MAGI1: variants seen among roughly 807,000 people sequenced by gnomAD.
MAGI1 encodes membrane-associated guanylate kinase, WW and PDZ domain-containing protein 1.
Under a neutral mutation model 139.9 loss-of-function variants are expected in MAGI1, and 58 were observed. That is an observed-to-expected ratio of 0.41 (90% CI 0.34 to 0.52). The LOEUF is 0.52. Ranked by LOEUF, MAGI1 falls within the 20% of genes least tolerant of loss-of-function variation. The probability of loss-of-function intolerance (pLI) is 0.12; values close to 1 mark genes in which losing one functional copy is unlikely to be tolerated. For missense variants in MAGI1, 1,874 were observed against 1,901.6 expected (o/e 0.99, Z 0.27); for synonymous variants, 812 against 737.9 (o/e 1.10, Z -1.63).
Position 65,882,338 on chromosome 3 carries a change from T to C in MAGI1, c.313+155658A>G, listed in dbSNP as rs57141441. Among the ~76,000 whole-genome samples the C allele has an allele frequency of 7.9e-3, 1,199 of 152,296 alleles. 14 individuals are homozygous for C. The highest frequency in any genetic ancestry group is 0.027 in the African/African-American group (1,107 of 41,564). On this transcript the variant is annotated intron_variant, in intron 1 of 22. Coordinates refer to ENST00000402939, the MANE Select transcript of MAGI1 (RefSeq NM_001033057.2). ...AGCTGAAGAAATCGCCTTAGGAAGG[T>C]AGGAAATCAAAATAACTCTAAAGAC...
At chr3:65,508,676 A>T (rs1042785657) in intron 2 of MAGI1, among the ~76,000 whole-genome samples, 1 of 152,232 alleles carries the variant, frequency 6.6e-6, no homozygotes, top group African/African-American at 2.4e-5. Flanking sequence ...ATGTGAGTCC[A>T]GATACAATCC....
At chr3:65,822,451 C>A (rs1251560245) in intron 1 of MAGI1, among the ~76,000 whole-genome samples, 4 of 152,080 alleles carry the variant, frequency 2.6e-5, no homozygotes, top group Non-Finnish European at 5.9e-5. Flanking sequence ...TCACTTGAAC[C>A]CAGGAGGCGG....
intron 2 of MAGI1, among the ~76,000 whole-genome samples, chr3:65,574,327 G>C (rs894453656): frequency 6.7e-6 from 1 of 149,848 alleles, no homozygotes; most frequent in African/African-American, 2.5e-5. Context: ...AATAAGTACA[G>C]TACCCAATAG....
At chr3:65,685,959 C>T (rs1018274436) in intron 1 of MAGI1, among the ~76,000 whole-genome samples, 2 of 152,200 alleles carry the variant, frequency 1.3e-5, no homozygotes, top group Admixed American at 6.5e-5. Context: ...AACACCCTCT[C>T]GCAGCACGGT....
In MAGI1 at chr3:65,400,750, ATTTTTTTTTTTTTTTTTTTTTTTT is replaced by A. The variant is rs767598706; in HGVS notation, c.2199+665_2199+688del. Reference sequence around the variant, plus strand: ...GATTGGAAAGGACAGCAAAACATTGATTTTTTTTTTTTTTTTTTTTTTTTTTTTTTTTTTTTTTTAAGAATCCTA... The same window carrying A: ...GATTGGAAAGGACAGCAAAACATTGATTTTTTTTTTTTTTTAAGAATCCTA... On this transcript the variant is annotated intron_variant, in intron 13 of 22. Coordinates refer to ENST00000402939, the MANE Select transcript of MAGI1 (RefSeq NM_001033057.2). 1.0e-3 allele frequency among the ~76,000 whole-genome samples: 61 copies of A among 60,602 alleles called. 1 individual carries two copies. The highest frequency in any genetic ancestry group is 5.4e-3 in the South Asian group (10 of 1,848). 39.8% of individuals were successfully genotyped at this position (60,602 alleles called of 152,430 possible).
At chr3:65,618,895 C>G (rs1259947504) in intron 2 of MAGI1, among the ~76,000 whole-genome samples, 1 of 152,202 alleles carries the variant, frequency 6.6e-6, no homozygotes, top group Non-Finnish European at 1.5e-5. Flanking sequence ...GACTTCACAA[C>G]AGGCCCCTGA....
chr3:65,424,086 G>C (rs1422171122), intron 12 of MAGI1, among the ~76,000 whole-genome samples: 1 of 152,122 alleles, frequency 6.6e-6, no homozygotes, highest in Admixed American at 6.5e-5. Flanking sequence ...GTCTTGAAAG[G>C]TTTTATTTAC....
In MAGI1 at chr3:65,391,204, C is replaced by G. The variant is rs1417361274; in HGVS notation, c.2354G>C (p.Gly785Ala). The G allele has an allele frequency of 6.2e-7, 1 of 1,614,072 alleles. No individual in the cohort carries two copies. The highest frequency in any genetic ancestry group is 8.5e-7 in the Non-Finnish European group (1 of 1,180,052). ...AQAPDQTDSS[G>A]QKKPDPFKIW... ...TTTAAAAGGATCTGGTTTTTTCTGG[C>G]CAGAGCTGTCAGTTTGATCTGGAGC... is the stretch of plus-strand genomic sequence containing the variant. The change falls in exon 14 of 23, where the codon GGC becomes GCC. Residue 785 changes from glycine to alanine, a missense_variant. By Grantham distance (60) the Gly-to-Ala change is moderately conservative (BLOSUM62 0). This residue lies in a region of MAGI1 where 482 missense variants were observed against 509.6 expected (regional missense o/e 0.95). Transcript: ENST00000402939.
intron 2 of MAGI1, among the ~76,000 whole-genome samples, chr3:65,608,541 T>C (rs2082869810): frequency 6.6e-6 from 1 of 152,170 alleles, no homozygotes; most frequent in Non-Finnish European, 1.5e-5. Context: ...AAGTGTTCAG[T>C]ATCATTCTAC....
At chr3:65,359,627 A>T in intron 22 of MAGI1, 1 of 995,028 alleles carries the variant, frequency 1.0e-6, no homozygotes, top group African/African-American at 1.7e-5. Context: ...GGAACTTAAC[A>T]TATTATAACC....
intron 2 of MAGI1, among the ~76,000 whole-genome samples, chr3:65,575,686 A>C (rs1466856811): frequency 2.0e-5 from 3 of 152,234 alleles, no homozygotes; most frequent in East Asian, 3.8e-4. Context: ...ACTACTCAGC[A>C]ACAAAAATAG....
At chr3:65,363,430 C>T (rs750375462) in intron 21 of MAGI1, 35 bp downstream of exon 21, 22 of 1,570,608 alleles carry the variant, frequency 1.4e-5, no homozygotes, top group Non-Finnish European at 1.8e-5. Flanking sequence ...CAGATGGTTT[C>T]TTTGCACCTA....
At chr3:65,865,702 G>A (rs2059701498) in intron 1 of MAGI1, among the ~76,000 whole-genome samples, 1 of 152,182 alleles carries the variant, frequency 6.6e-6, no homozygotes, top group Non-Finnish European at 1.5e-5. Flanking sequence ...GTGCAATGGC[G>A]CAATCTCGGC....
intron 1 of MAGI1, among the ~76,000 whole-genome samples, chr3:65,794,835 C>T (rs1011085580): frequency 7.3e-6 from 1 of 136,192 alleles, no homozygotes; most frequent in Non-Finnish European, 1.6e-5. Context: ...CAAAACAAAC[C>T]CTCATCAGGA....
chr3:65,963,236 C>G (rs920090552), intron 1 of MAGI1, among the ~76,000 whole-genome samples: 2 of 146,008 alleles, frequency 1.4e-5, no homozygotes, highest in Admixed American at 7.0e-5. Flanking sequence ...TGCTTGAACC[C>G]GGGAGGTGGA....
intron 6 of MAGI1, among the ~76,000 whole-genome samples, chr3:65,452,228 T>C (rs1325972043): frequency 2.0e-5 from 3 of 152,144 alleles, no homozygotes; most frequent in Admixed American, 6.5e-5. Flanking sequence ...ACCAACACAA[T>C]AGTCTATGTC....
Position 65,636,721 on chromosome 3 carries a change from C to T in MAGI1, c.314-14633G>A, listed in dbSNP as rs75517829. On this transcript the variant is annotated intron_variant, in intron 1 of 22. Coordinates refer to ENST00000402939, the MANE Select transcript of MAGI1 (RefSeq NM_001033057.2). ...AAACACATACACACACACACACACA[C>T]ACATACACACACACACACATTAAGC... Among the ~76,000 whole-genome samples the T allele has an allele frequency of 2.3e-3, 342 of 146,762 alleles. 1 individual carries two copies. Among genetic ancestry groups the T allele is most frequent in the African/African-American group, 8.8e-3 (333 of 37,880 alleles).
At chr3:65,391,472 A>G in intron 13 of MAGI1, 114 bp from the exon 14 acceptor site, 4 of 793,510 alleles carry the variant, frequency 5.0e-6, no homozygotes, top group Non-Finnish European at 8.0e-6. Flanking sequence ...ATACATATCA[A>G]CAGTATTTTG....
At chr3:65,577,642 C>T (rs1175447654) in intron 2 of MAGI1, among the ~76,000 whole-genome samples, 5 of 152,172 alleles carry the variant, frequency 3.3e-5, no homozygotes, top group Admixed American at 1.3e-4. Flanking sequence ...AAATTCAACA[C>T]CACCAGTTTG....
Sources: gnomAD v4.1 joint callset for allele counts (sites outside exome capture counted in the v4.1 genomes callset) on GRCh38, gnomAD v4.1.1 for gene constraint, gnomAD v4.1.1 regional missense constraint, MANE v1.5 for transcripts, NCBI Gene and HGNC (gene_info 2026-07-23, HGNC 2026-07-21) for gene names.